ZNF398: variants seen among roughly 807,000 people sequenced by gnomAD.
ZNF398 encodes zinc finger protein 398, also known as zinc finger DNA binding protein ZER6.
ZNF398 carries 18 observed loss-of-function variants against 41.9 expected under a neutral mutation model. The observed-to-expected ratio is 0.43, with a 90% CI of 0.30 to 0.64. The LOEUF (loss-of-function observed/expected upper bound fraction) is 0.64. ZNF398 is among the 30% of genes least tolerant of loss of function. The pLI, the probability that ZNF398 is intolerant of heterozygous loss-of-function variation, is 0.14. For missense variants in ZNF398, 669 were observed against 822.8 expected, an observed-to-expected ratio of 0.81 and a Z score of 2.29; for synonymous variants, 260 against 308.8, an observed-to-expected ratio of 0.84 and a Z score of 1.66.
Position 149,179,238 on chromosome 7 carries a change from C to A in ZNF398, c.1366C>A (p.Arg456Ser), listed in dbSNP as rs757002812. Residue 456 changes from arginine to serine, a missense_variant, in exon 6 of 6, where the codon CGC becomes AGC. By Grantham distance (110) the Arg-to-Ser change is moderately radical (BLOSUM62 -1). This residue lies in a region of ZNF398 where 210 missense variants were observed against 290.4 expected (regional missense o/e 0.72). Coordinates refer to ENST00000475153, the MANE Select transcript of ZNF398 (RefSeq NM_170686.3). The surrounding 1 kb of genome is among the most constrained non-coding windows in gnomAD (Gnocchi z 6.1). ...AGCTCATGCAAGCGAAAGGCCCTTC[C>A]GCTGTGCCCAGTGCGGCAGGAGCTT... The part of the protein sequence containing the change: ...RRAHASERPF[R>S]CAQCGRSFSL... The A allele has an allele frequency of 6.2e-7, 1 of 1,613,474 alleles. No individual in the cohort carries two copies. Among genetic ancestry groups the A allele is most frequent in the Non-Finnish European group, 8.5e-7 (1 of 1,180,008 alleles).
chr7:149,133,666 T>C (rs1318932051), intron 2 of ZNF398, among the ~76,000 whole-genome samples: 6 of 48,924 alleles, frequency 1.2e-4, no homozygotes, highest in South Asian at 1.3e-3. Flanking sequence ...TATATATATA[T>C]ATATATATAT....
rs556123868 is a variant in ZNF398 at position 149,179,890 on chromosome 7, C to T, written c.*89C>T. ...GTCTGTGAGCCCCATCCAACACCCA[C>T]AGTAATTATTATCTGGCACATCAAT... On this transcript the variant is annotated 3_prime_UTR_variant, in exon 6 of 6. Coordinates refer to ENST00000475153, the MANE Select transcript of ZNF398 (RefSeq NM_170686.3). The surrounding 1 kb of genome is among the most constrained non-coding windows in gnomAD (Gnocchi z 6.1). 4.1e-6 allele frequency: 5 copies of T among 1,219,986 alleles called. No homozygotes were observed. Among genetic ancestry groups the T allele is most frequent in the Non-Finnish European group, 5.6e-6 (5 of 886,630 alleles). The allele number at this position is 1,219,986 out of a possible 1,614,324, so 75.6% of individuals were successfully genotyped here.
At chr7:149,151,592 G>A (rs763901236) in intron 1 of ZNF398, among the ~76,000 whole-genome samples, 3 of 151,534 alleles carry the variant, frequency 2.0e-5, no homozygotes, top group African/African-American at 4.9e-5. Context: ...TTATTTTCTT[G>A]GAAAGATCAA....
chr7:149,155,708 T>TATATATATA (rs1320419899), intron 2 of ZNF398, among the ~76,000 whole-genome samples: 4 of 11,430 alleles, frequency 3.5e-4, no homozygotes, highest in African/African-American at 5.5e-4. Context: ...TATATATATA[T>TATATATATA]TTTTTTTTTT....
chr7:149,138,263 T>C (rs1826754913), intron 2 of ZNF398, among the ~76,000 whole-genome samples: 1 of 150,126 alleles, frequency 6.7e-6, no homozygotes, highest in Non-Finnish European at 1.5e-5. Context: ...TCAAGTATAT[T>C]AAATAACAAA....
At chr7:149,162,926 A>C (rs900973815) in intron 2 of ZNF398, among the ~76,000 whole-genome samples, 2 of 151,812 alleles carry the variant, frequency 1.3e-5, no homozygotes, top group African/African-American at 4.8e-5. Context: ...CAGTGAGCTG[A>C]GATCGTGCCA....
intron 4 of ZNF398, 138 bp from the exon 5 acceptor site, chr7:149,176,330 C>T (rs1014639349): frequency 3.0e-5 from 18 of 595,036 alleles, no homozygotes; most frequent in African/African-American, 9.4e-5. Context: ...GGTGACAGAG[C>T]GAGACTCTGT....
At chr7:149,173,168 G>A (rs979821983) in intron 4 of ZNF398, among the ~76,000 whole-genome samples, 24 of 132,228 alleles carry the variant, frequency 1.8e-4, no homozygotes, top group African/African-American at 6.0e-4. Context: ...GCAGTGGCAC[G>A]ATCTCGGCTC....
At chr7:149,131,882 T>C (rs946420258) in intron 2 of ZNF398, among the ~76,000 whole-genome samples, 1 of 152,340 alleles carries the variant, frequency 6.6e-6, no homozygotes, top group Admixed American at 6.5e-5. Context: ...TTGACACTTT[T>C]AAACAGTTTT....
chr7:149,148,691 T>C (rs1479421359), intron 1 of ZNF398, among the ~76,000 whole-genome samples: 10 of 152,026 alleles, frequency 6.6e-5, no homozygotes, highest in Admixed American at 5.2e-4. Context: ...GTTGTGCCAG[T>C]CCTGGCTAAT....
At chr7:149,134,800 G>T (rs1366466010) in intron 2 of ZNF398, among the ~76,000 whole-genome samples, 1 of 152,074 alleles carries the variant, frequency 6.6e-6, no homozygotes, top group Non-Finnish European at 1.5e-5. Flanking sequence ...GCGCAATCTT[G>T]GCTCACCGCA....
In ZNF398 at chr7:149,154,211, C is replaced by G. The variant is rs201932550; in HGVS notation, c.291C>G (p.Ala97=). 1.2e-6 allele frequency: 2 copies of G among 1,613,990 alleles called. No homozygotes were observed. The highest frequency in any genetic ancestry group is 1.7e-5 in the Admixed American group (1 of 59,994). The change falls in exon 2 of 6, where the codon GCC becomes GCG. Residue 97 remains alanine, a synonymous_variant. Transcript: ENST00000475153. ...GGAACCAGCTGGAGGGCAAGTGGGC[C>G]GTGCTGGGAACCCTGCTGCAGGAGT... ...ELGNQLEGKW[A]VLGTLLQEYG... is the part of the protein sequence containing the mutation.
upstream of ZNF398, among the ~76,000 whole-genome samples, chr7:149,144,057 C>T (rs1227525035): frequency 6.6e-6 from 1 of 152,120 alleles, no homozygotes; most frequent in Non-Finnish European, 1.5e-5. Flanking sequence ...TAATGAAATG[C>T]CAGTACCATC....
chr7:149,176,847 G>T (rs1563166825), intron 5 of ZNF398, among the ~76,000 whole-genome samples: 1 of 152,182 alleles, frequency 6.6e-6, no homozygotes, highest in Non-Finnish European at 1.5e-5. Flanking sequence ...AAATTATGGG[G>T]ATGGGGAAAG....
chr7:149,127,311 C>A (rs1346829607), intron 1 of ZNF398, among the ~76,000 whole-genome samples: 1 of 151,884 alleles, frequency 6.6e-6, no homozygotes, highest in East Asian at 1.9e-4. Flanking sequence ...GTAGTCCCTG[C>A]ATAGGCTGAG....
intron 2 of ZNF398, among the ~76,000 whole-genome samples, chr7:149,160,791 C>T (rs1795092073): frequency 6.6e-6 from 1 of 152,204 alleles, no homozygotes; most frequent in Non-Finnish European, 1.5e-5. Context: ...TAGATTATCA[C>T]CTTTCTTCTT....
At chr7:149,151,971 G>A (rs984330931) in intron 1 of ZNF398, among the ~76,000 whole-genome samples, 10 of 151,864 alleles carry the variant, frequency 6.6e-5, no homozygotes, top group African/African-American at 2.4e-4. Flanking sequence ...GGTGGCTCAC[G>A]CCCGTAATGC....
At chr7:149,158,215 A>G (rs891630000) in intron 2 of ZNF398, among the ~76,000 whole-genome samples, 6 of 152,210 alleles carry the variant, frequency 3.9e-5, no homozygotes, top group Non-Finnish European at 8.8e-5. Context: ...GTTGTCATTT[A>G]TGTTGAATAT....
Position 149,147,855 on chromosome 7 carries a change from G to A in ZNF398, c.24+89G>A, listed in dbSNP as rs1473016778. 29 of 1,294,544 alleles carry A rather than the reference G, an allele frequency of 2.2e-5. 1 individual carries two copies. In the South Asian group the frequency reaches 5.7e-4, roughly 26 times the overall value. 80.2% of individuals were successfully genotyped at this position (1,294,544 alleles called of 1,614,324 possible). ...GGCGGGCAGGGAGCTGCCAGGCATA[G>A]GCGCCGTTCTCGGGTCCCGCCGGCC... On this transcript the variant is annotated intron_variant, in intron 1 of 5. Transcript: ENST00000475153. The surrounding 1 kb of genome is among the most constrained non-coding windows in gnomAD (Gnocchi z 5.6).
Sources: gnomAD v4.1 joint callset for allele counts (sites outside exome capture counted in the v4.1 genomes callset) on GRCh38, gnomAD v4.1.1 for gene constraint, gnomAD v4.1.1 regional missense constraint, Gnocchi (gnomAD v3.1) non-coding constraint, MANE v1.5 for transcripts, NCBI Gene and HGNC (gene_info 2026-07-23, HGNC 2026-07-21) for gene names.